The following PTPRT variants were observed in gnomAD, a reference collection of about 807,000 sequenced individuals.
PTPRT encodes receptor-type tyrosine-protein phosphatase T.
A neutral mutation model predicts 176.8 loss-of-function variants in PTPRT; 56 were observed. That is an observed-to-expected ratio of 0.32 (90% CI 0.26 to 0.40). The LOEUF (loss-of-function observed/expected upper bound fraction) is 0.40. PTPRT is among the 10% of genes least tolerant of loss of function. PTPRT has a pLI of 1.00. For missense variants in PTPRT, 1,540 were observed against 1,908.2 expected, an observed-to-expected ratio of 0.81 and a Z score of 3.60; for synonymous variants, 783 against 739.0, an observed-to-expected ratio of 1.06 and a Z score of -0.96.
intron 7 of PTPRT, among the ~76,000 whole-genome samples, chr20:42,625,927 G>A (rs1600494537): frequency 8.1e-6 from 1 of 123,468 alleles, no homozygotes; most frequent in Admixed American, 8.7e-5. Flanking sequence ...TTGTAGAAAT[G>A]GAACTTTTGT....
At chr20:42,843,066 C>G (rs563745480) in intron 2 of PTPRT, among the ~76,000 whole-genome samples, 1 of 152,288 alleles carries the variant, frequency 6.6e-6, no homozygotes, top group South Asian at 2.1e-4. Context: ...TAATTCACTT[C>G]CGGGATCCCT....
chr20:42,164,241 A>C (rs900871595), intron 16 of PTPRT, among the ~76,000 whole-genome samples: 13 of 152,190 alleles, frequency 8.5e-5, no homozygotes, highest in African/African-American at 3.1e-4. Flanking sequence ...GCTGCCTGGG[A>C]AAGACAGGCT....
chr20:42,104,767 C>T (rs765755388), intron 24 of PTPRT, 49 bp from the exon 25 acceptor site: 1 of 1,509,004 alleles, frequency 6.6e-7, no homozygotes, highest in South Asian at 1.1e-5. Flanking sequence ...GAACAGTGGC[C>T]TGGGAATTAG....
Position 42,418,318 on chromosome 20 carries a change from T to C in PTPRT, c.1560+29902A>G, listed in dbSNP as rs372089679. Among the ~76,000 whole-genome samples the C allele has an allele frequency of 3.3e-5, 5 of 152,204 alleles. 1 individual carries two copies. Among genetic ancestry groups the C allele is most frequent in the East Asian group, 3.9e-4 (2 of 5,192 alleles). On this transcript the variant is annotated intron_variant, in intron 9 of 30. Transcript: ENST00000373187. Reference sequence around the variant, plus strand: ...CTAATAGAAAATTTTAAATTACATATGTGACTCACATAATGTTTCTACTAA... The same window carrying C: ...CTAATAGAAAATTTTAAATTACATACGTGACTCACATAATGTTTCTACTAA...
Position 42,324,330 on chromosome 20 carries a change from G to A in PTPRT, c.1866-8334C>T, listed in dbSNP as rs191365420. On this transcript the variant is annotated intron_variant, in intron 11 of 30. Coordinates refer to ENST00000373187, the MANE Select transcript of PTPRT (RefSeq NM_007050.6). Reference sequence around the variant, plus strand: ...GTTATGGAGAAAAGGCAAGGCCATAGAGACAGAAATCAGATTAGCAATTGC... The same window carrying A: ...GTTATGGAGAAAAGGCAAGGCCATAAAGACAGAAATCAGATTAGCAATTGC... Among the ~76,000 whole-genome samples the A allele has an allele frequency of 2.5e-3, 381 of 152,302 alleles. 3 individuals carry two copies. The highest frequency in any genetic ancestry group is 5.4e-3 in the Admixed American group (83 of 15,300).
chr20:43,179,530 A>G (rs1291890156), intron 1 of PTPRT, among the ~76,000 whole-genome samples: 2 of 152,204 alleles, frequency 1.3e-5, no homozygotes, highest in African/African-American at 4.8e-5. Flanking sequence ...TAAAAATTGT[A>G]GTCTTACAAA....
chr20:42,747,600 G>C (rs1421351821), intron 6 of PTPRT, among the ~76,000 whole-genome samples: 4 of 152,212 alleles, frequency 2.6e-5, no homozygotes, highest in Non-Finnish European at 5.9e-5. Context: ...GCTGAAGTCT[G>C]AGCAGAGACC....
intron 2 of PTPRT, among the ~76,000 whole-genome samples, chr20:42,863,239 C>T (rs886094716): frequency 6.6e-6 from 1 of 152,198 alleles, no homozygotes; most frequent in Non-Finnish European, 1.5e-5. Context: ...AAGAAGAGGA[C>T]ATGATCTTAA....
chr20:42,747,731 C>T (rs2076710973), intron 6 of PTPRT, among the ~76,000 whole-genome samples: 1 of 151,996 alleles, frequency 6.6e-6, no homozygotes, highest in African/African-American at 2.4e-5. Context: ...GGAAATGGAT[C>T]AGCATGGCTA....
intron 1 of PTPRT, among the ~76,000 whole-genome samples, chr20:43,188,870 C>T (rs566514419): frequency 4.7e-4 from 71 of 151,330 alleles, no homozygotes; most frequent in Admixed American, 7.2e-4. Flanking sequence ...GCAGGCACCA[C>T]CCCCCCGCCC....
chr20:42,114,415 AT>A (rs1217558802), intron 22 of PTPRT, among the ~76,000 whole-genome samples: 1 of 152,256 alleles, frequency 6.6e-6, no homozygotes, highest in Admixed American at 6.5e-5. Context: ...TCATTATGAT[AT>A]AATAGTAATG....
chr20:42,335,946 A>G (rs1343399867), intron 11 of PTPRT, among the ~76,000 whole-genome samples: 1 of 152,198 alleles, frequency 6.6e-6, no homozygotes, highest in East Asian at 1.9e-4. Flanking sequence ...TACTAGCTGC[A>G]TGATCTTGAG....
chr20:42,088,239 G>T (rs1266017406), intron 27 of PTPRT, among the ~76,000 whole-genome samples: 2 of 152,160 alleles, frequency 1.3e-5, no homozygotes, highest in Non-Finnish European at 2.9e-5. Flanking sequence ...ACCCACCGAG[G>T]CTTCTGAGAG....
chr20:42,937,212 T>C (rs1450003097), intron 1 of PTPRT, among the ~76,000 whole-genome samples: 1 of 152,218 alleles, frequency 6.6e-6, no homozygotes, highest in Admixed American at 6.5e-5. Context: ...GTGCAGCTAT[T>C]ACATGCCAGG....
At chr20:42,087,127 C>T (rs969441159) in intron 27 of PTPRT, among the ~76,000 whole-genome samples, 1 of 151,772 alleles carries the variant, frequency 6.6e-6, no homozygotes, top group Non-Finnish European at 1.5e-5. Flanking sequence ...GAGGATGCTA[C>T]TCAACATCCT....
At chr20:42,489,218 A>G (rs1331498197) in intron 7 of PTPRT, among the ~76,000 whole-genome samples, 1 of 151,970 alleles carries the variant, frequency 6.6e-6, no homozygotes, top group Admixed American at 6.6e-5. Context: ...TAGACATGAA[A>G]TCTGTTCTCA....
chr20:42,795,147 G>A (rs965827283), intron 2 of PTPRT, among the ~76,000 whole-genome samples: 36 of 150,974 alleles, frequency 2.4e-4, no homozygotes, highest in African/African-American at 8.0e-4. Flanking sequence ...AAACAAGAAA[G>A]AGAAAGACTG....
intron 1 of PTPRT, among the ~76,000 whole-genome samples, chr20:43,044,499 G>T (rs772488518): frequency 6.6e-6 from 1 of 152,098 alleles, no homozygotes; most frequent in Non-Finnish European, 1.5e-5. Flanking sequence ...ACTTCATAAC[G>T]TACTGAAAAG....
At chr20:42,155,636 A>C (rs562932990) in intron 17 of PTPRT, among the ~76,000 whole-genome samples, 25 of 152,338 alleles carry the variant, frequency 1.6e-4, no homozygotes, top group African/African-American at 5.5e-4. Flanking sequence ...TCTTCAATTC[A>C]AGATAGTTCA....
Sources: allele counts gnomAD v4.1 joint callset (sites outside exome capture counted in the v4.1 genomes callset), GRCh38; gene constraint gnomAD v4.1.1; transcripts MANE v1.5; gene names NCBI Gene and HGNC (gene_info 2026-07-23, HGNC 2026-07-21).